The following FUT8 variants were observed in gnomAD, a reference collection of about 807,000 sequenced individuals.
FUT8 encodes alpha-(1,6)-fucosyltransferase.
A neutral mutation model predicts 71.3 loss-of-function variants in FUT8; 29 were observed. That is an observed-to-expected ratio of 0.41 (90% CI 0.30 to 0.55). The LOEUF (loss-of-function observed/expected upper bound fraction) is 0.55, where lower values mean the gene tolerates loss of function less well. FUT8 is among the 20% of genes least tolerant of loss of function. FUT8 has a pLI of 0.34. For synonymous variants in FUT8, 254 were observed against 239.3 expected (o/e 1.06, Z -0.57); for missense variants, 544 against 702.1 (o/e 0.77, Z 2.55).
chr14:65,673,475 A>G (rs1334461551), intron 7 of FUT8, among the ~76,000 whole-genome samples: 1 of 152,224 alleles, frequency 6.6e-6, no homozygotes, highest in African/African-American at 2.4e-5. Context: ...ACCCTGAAGC[A>G]AATATCTAAT....
chr14:65,557,035 TG>T lies in FUT8; in HGVS notation c.-227-4300del, dbSNP rs150767178. ...AGCATTAAAATAAAATTACTTTTTT[TG>T]GAGCACTTCTTCTGTGCCAAGCATT... On this transcript the variant is annotated intron_variant, in intron 2 of 10. Coordinates refer to ENST00000673929, the MANE Select transcript of FUT8 (RefSeq NM_001371533.1). Among the ~76,000 whole-genome samples, 943 of 152,310 alleles carry T rather than the reference TG, an allele frequency of 6.2e-3. 11 individuals are homozygous for T. Among genetic ancestry groups the T allele is most frequent in the East Asian group, 0.035 (183 of 5,178 alleles).
intron 2 of FUT8, among the ~76,000 whole-genome samples, chr14:65,456,887 A>AT (rs1228042276): frequency 4.7e-4 from 71 of 150,142 alleles, no homozygotes; most frequent in African/African-American, 1.3e-3. Context: ...AAAAAAAAAA[A>AT]TTTTTTTTTG....
rs2065171636 is a variant in FUT8 at position 65,413,513 on chromosome 14, C to T, written c.-326+299C>T. On this transcript the variant is annotated intron_variant, in intron 1 of 10. Coordinates refer to ENST00000673929, the MANE Select transcript of FUT8 (RefSeq NM_001371533.1). The surrounding 1 kb of genome is among the most constrained non-coding windows in gnomAD (Gnocchi z 4.1). Reference sequence around the variant, plus strand: ...CGGCGTCGCGCATCCTTGCCTAGGGCAGGGGCCAAAGCCTAGGGAAGGAGA... The same window carrying T: ...CGGCGTCGCGCATCCTTGCCTAGGGTAGGGGCCAAAGCCTAGGGAAGGAGA... Among the ~76,000 whole-genome samples, 1 of 150,664 alleles carries T rather than the reference C, an allele frequency of 6.6e-6. No homozygotes were observed.
At chr14:65,725,100 T>C (rs1405567673) in intron 9 of FUT8, among the ~76,000 whole-genome samples, 1 of 152,236 alleles carries the variant, frequency 6.6e-6, no homozygotes, top group Non-Finnish European at 1.5e-5. Context: ...AACACATATG[T>C]AGAGTTTTGT....
At chr14:65,573,368 C>A (rs999074711) in intron 3 of FUT8, among the ~76,000 whole-genome samples, 1 of 151,340 alleles carries the variant, frequency 6.6e-6, no homozygotes, top group South Asian at 2.1e-4. Flanking sequence ...AAATCACCAC[C>A]AAGAAAAGAA....
intron 1 of FUT8, among the ~76,000 whole-genome samples, chr14:65,432,934 C>T (rs965307948): frequency 6.6e-6 from 1 of 152,104 alleles, no homozygotes; most frequent in African/African-American, 2.4e-5. Flanking sequence ...TCTTTTATGC[C>T]TTTACTTTAA....
intron 1 of FUT8, among the ~76,000 whole-genome samples, chr14:65,439,952 G>GTA (rs1425130774): frequency 0.058 from 2,184 of 37,842 alleles, 36 homozygotes; most frequent in Non-Finnish European, 0.095. Flanking sequence ...GTGTGTGTGT[G>GTA]TGTATATATA....
Position 65,601,953 on chromosome 14 carries a change from T to C in FUT8, c.204-14025T>C, listed in dbSNP as rs77391926. 5.8e-3 allele frequency among the ~76,000 whole-genome samples: 876 copies of C among 152,236 alleles called. 31 individuals carry two copies. In the East Asian group the frequency reaches 0.093, roughly 16 times the overall value. On this transcript the variant is annotated intron_variant, in intron 3 of 10. Transcript: ENST00000673929. The stretch of plus-strand genomic sequence containing the variant: ...AAATACAGATGTAACCTTTTTTTTA[T>C]CTTTTGAAGTTTTGATGGTTTTTAA...
At chr14:65,678,984 G>T (rs946650181) in intron 7 of FUT8, among the ~76,000 whole-genome samples, 1 of 152,152 alleles carries the variant, frequency 6.6e-6, no homozygotes, top group African/African-American at 2.4e-5. Flanking sequence ...TAGGTTTTGG[G>T]TCTTGTATAT....
Position 65,547,428 on chromosome 14 carries a change from T to C in FUT8, c.-227-13909T>C, listed in dbSNP as rs541087512. Among the ~76,000 whole-genome samples, 360 of 151,882 alleles carry C rather than the reference T, an allele frequency of 2.4e-3. 3 individuals are homozygous for C. The highest frequency in any genetic ancestry group is 3.9e-3 in the Non-Finnish European group (264 of 67,714). On this transcript the variant is annotated intron_variant, in intron 2 of 10. Coordinates refer to ENST00000673929, the MANE Select transcript of FUT8 (RefSeq NM_001371533.1). The stretch of plus-strand genomic sequence containing the variant: ...GTGTGTTGTAAACCCCATAATACTT[T>C]GTTATTATTTTAGCTTTGAGTCAAA...
intron 3 of FUT8, among the ~76,000 whole-genome samples, chr14:65,583,656 AAAG>A (rs1435179713): frequency 2.6e-5 from 4 of 152,024 alleles, no homozygotes; most frequent in African/African-American, 7.2e-5. Context: ...CAAAAAAAAA[AAAG>A]AATGCTGAGT....
intron 1 of FUT8, among the ~76,000 whole-genome samples, chr14:65,442,333 A>C (rs57808376): frequency 6.6e-6 from 1 of 151,612 alleles, no homozygotes; most frequent in East Asian, 1.9e-4. Context: ...GTGCCACCAC[A>C]CCCAGCCAAT....
the FUT8 span, among the ~76,000 whole-genome samples, chr14:65,399,451 A>G: frequency 6.6e-6 from 1 of 152,254 alleles, no homozygotes; most frequent in African/African-American, 2.4e-5. Flanking sequence ...ATCCAAGGCC[A>G]TGAATGTTCA....
At chr14:65,518,095 C>T (rs1166558380) in intron 2 of FUT8, among the ~76,000 whole-genome samples, 3 of 152,174 alleles carry the variant, frequency 2.0e-5, no homozygotes, top group Admixed American at 2.0e-4. Flanking sequence ...CATAACTTTG[C>T]AGTTTAATTG....
At chr14:65,456,590 T>A (rs547425789) in intron 2 of FUT8, among the ~76,000 whole-genome samples, 2 of 152,044 alleles carry the variant, frequency 1.3e-5, no homozygotes, top group African/African-American at 2.4e-5. Context: ...CTTTAAAAAA[T>A]TTGGTGGGGC....
intron 7 of FUT8, among the ~76,000 whole-genome samples, chr14:65,700,223 C>T (rs963554585): frequency 3.3e-5 from 5 of 152,036 alleles, no homozygotes; most frequent in African/African-American, 1.2e-4. Context: ...ATATGGTTGC[C>T]ATCCATGACA....
chr14:65,734,717 C>T (rs1362193830), intron 10 of FUT8, among the ~76,000 whole-genome samples: 6 of 152,144 alleles, frequency 3.9e-5, no homozygotes, highest in African/African-American at 1.4e-4. Context: ...TAACTGGTAA[C>T]AACCTCCAAA....
chr14:65,540,106 A>T (rs1884588143), intron 2 of FUT8, among the ~76,000 whole-genome samples: 1 of 152,190 alleles, frequency 6.6e-6, no homozygotes, highest in Admixed American at 6.5e-5. Context: ...CTTATTGGGG[A>T]TAGCTTTGAC....
At chr14:65,475,569 T>A (rs2066224878) in intron 2 of FUT8, among the ~76,000 whole-genome samples, 1 of 152,008 alleles carries the variant, frequency 6.6e-6, no homozygotes, top group Non-Finnish European at 1.5e-5. Context: ...TGAGACCCTG[T>A]CTCTACCAAA....
Sources: gnomAD v4.1 joint callset for allele counts (sites outside exome capture counted in the v4.1 genomes callset) on GRCh38, gnomAD v4.1.1 for gene constraint, Gnocchi (gnomAD v3.1) non-coding constraint, MANE v1.5 for transcripts, NCBI Gene and HGNC (gene_info 2026-07-23, HGNC 2026-07-21) for gene names.